The following TENM3 variants were observed in gnomAD, a reference collection of about 807,000 sequenced individuals.
TENM3 encodes the protein teneurin-3.
Under a neutral mutation model 255.1 loss-of-function variants are expected in TENM3, and 63 were observed. The observed-to-expected ratio is 0.25, with a 90% CI of 0.20 to 0.30. The LOEUF (loss-of-function observed/expected upper bound fraction) is 0.30. Among genes scored for constraint, TENM3 ranks in the 10% least tolerant of loss-of-function variants. TENM3 has a pLI of 1.00. For synonymous variants in TENM3, 1,306 were observed against 1,322.3 expected, an observed-to-expected ratio of 0.99 and a Z score of 0.27; for missense variants, 2,929 against 3,461.1, an observed-to-expected ratio of 0.85 and a Z score of 3.86.
At chr4:182,096,234 G>T in the TENM3 span, among the ~76,000 whole-genome samples, 7 of 152,112 alleles carry the variant, frequency 4.6e-5, no homozygotes, top group Non-Finnish European at 1.0e-4. Context: ...CAGAGTGAGT[G>T]AAGAAGGCCC....
At chr4:182,294,882 G>T (rs1761364753) in intron 1 of TENM3, among the ~76,000 whole-genome samples, 1 of 152,126 alleles carries the variant, frequency 6.6e-6, no homozygotes, top group Non-Finnish European at 1.5e-5. Context: ...ATTATCGATT[G>T]TTTTCTTAAA....
the TENM3 span, among the ~76,000 whole-genome samples, chr4:181,722,699 T>C: frequency 6.6e-6 from 1 of 152,244 alleles, no homozygotes; most frequent in African/African-American, 2.4e-5. Context: ...GTATAGTACA[T>C]TTTAAAATGA....
chr4:182,392,042 T>G (rs1455936866), intron 3 of TENM3, among the ~76,000 whole-genome samples: 1 of 152,208 alleles, frequency 6.6e-6, no homozygotes, highest in Non-Finnish European at 1.5e-5. Context: ...TTAGTTAACT[T>G]TACTTATAAT....
chr4:182,107,946 T>C, the TENM3 span, among the ~76,000 whole-genome samples: 4 of 152,228 alleles, frequency 2.6e-5, no homozygotes, highest in Non-Finnish European at 4.4e-5. Context: ...TCAAGGAGCG[T>C]AAATCAAGGT....
At chr4:182,092,391 T>C in the TENM3 span, among the ~76,000 whole-genome samples, 1 of 152,200 alleles carries the variant, frequency 6.6e-6, no homozygotes, top group Non-Finnish European at 1.5e-5. Flanking sequence ...CTCATGCCTA[T>C]AATCCCAGAG....
chr4:181,510,835 T>A, the TENM3 span, among the ~76,000 whole-genome samples: 2 of 152,236 alleles, frequency 1.3e-5, no homozygotes, highest in African/African-American at 4.8e-5. Flanking sequence ...GAGTAAAGTT[T>A]TGGAGCTAAT....
chr4:181,642,150 T>C, the TENM3 span, among the ~76,000 whole-genome samples: 1 of 152,096 alleles, frequency 6.6e-6, no homozygotes, highest in Admixed American at 6.6e-5. Context: ...CCTGACTTTT[T>C]AATGATTGCC....
the TENM3 span, among the ~76,000 whole-genome samples, chr4:181,479,949 C>G: frequency 1.3e-5 from 2 of 152,014 alleles, no homozygotes; most frequent in East Asian, 3.9e-4. Context: ...TAAGCTATGA[C>G]CTAGCAATCA....
chr4:182,066,790 A>G, the TENM3 span, among the ~76,000 whole-genome samples: 1 of 152,056 alleles, frequency 6.6e-6, no homozygotes, highest in Non-Finnish European at 1.5e-5. Flanking sequence ...AGGCGCCTGT[A>G]GTCCCAGCTA....
At chr4:182,637,719 T>A (rs1049046264) in intron 5 of TENM3, among the ~76,000 whole-genome samples, 1 of 152,220 alleles carries the variant, frequency 6.6e-6, no homozygotes, top group African/African-American at 2.4e-5. Flanking sequence ...TCCTTGCCTC[T>A]TAGAGATTAT....
the TENM3 span, among the ~76,000 whole-genome samples, chr4:182,042,668 C>G: frequency 1.3e-5 from 2 of 152,222 alleles, no homozygotes; most frequent in South Asian, 4.1e-4. Flanking sequence ...ATTTTTACAT[C>G]AGAGAAATTG....
chr4:181,913,119 C>T, the TENM3 span, among the ~76,000 whole-genome samples: 115 of 152,112 alleles, frequency 7.6e-4, no homozygotes, highest in South Asian at 1.2e-3. Flanking sequence ...GAAAATAGAC[C>T]GGGATGAGCT....
chr4:181,819,560 C>A, the TENM3 span, among the ~76,000 whole-genome samples: 5 of 152,264 alleles, frequency 3.3e-5, no homozygotes, highest in African/African-American at 1.2e-4. Flanking sequence ...AGTGCTCAAC[C>A]TTTTTGGCAC....
chr4:182,627,871 A>G (rs1195847495), intron 4 of TENM3, among the ~76,000 whole-genome samples: 1 of 151,954 alleles, frequency 6.6e-6, no homozygotes, highest in Non-Finnish European at 1.5e-5. Flanking sequence ...ACTTTTAGAG[A>G]CAGTTTGCTC....
upstream of TENM3, among the ~76,000 whole-genome samples, chr4:182,242,181 T>C (rs1336664293): frequency 6.6e-6 from 1 of 151,900 alleles, no homozygotes. Flanking sequence ...TTACATTAGG[T>C]ATATCTCCTA....
At chr4:181,872,348 G>GTAA in the TENM3 span, among the ~76,000 whole-genome samples, 1 of 151,158 alleles carries the variant, frequency 6.6e-6, no homozygotes, top group Non-Finnish European at 1.5e-5. Context: ...AAGTTCAGGG[G>GTAA]TACATGTGCA....
At chr4:182,359,505 G>C (rs569182346) in intron 3 of TENM3, among the ~76,000 whole-genome samples, 1 of 150,742 alleles carries the variant, frequency 6.6e-6, no homozygotes, top group Non-Finnish European at 1.5e-5. Context: ...GTTTATTTGC[G>C]TAGAGGTGTT....
the TENM3 span, among the ~76,000 whole-genome samples, chr4:181,536,217 C>T: frequency 4.1e-4 from 62 of 152,302 alleles, no homozygotes; most frequent in African/African-American, 1.4e-3. Flanking sequence ...TAATTAGATG[C>T]CCATTTTTCC....
intron 3 of TENM3, among the ~76,000 whole-genome samples, chr4:182,564,123 C>G (rs1580951809): frequency 6.6e-6 from 1 of 152,066 alleles, no homozygotes; most frequent in Non-Finnish European, 1.5e-5. Context: ...CAAGAGGATC[C>G]CTGGCATAAG....
Sources: gnomAD v4.1 joint callset for allele counts (sites outside exome capture counted in the v4.1 genomes callset) on GRCh38, gnomAD v4.1.1 for gene constraint, MANE v1.5 for transcripts, NCBI Gene and HGNC (gene_info 2026-07-23, HGNC 2026-07-21) for gene names.